Variants in ALOX5AP observed in about 807,000 individuals in gnomAD.
The protein encoded by ALOX5AP is arachidonate 5-lipoxygenase-activating protein.
ALOX5AP carries 9 observed loss-of-function variants against 18.5 expected under a neutral mutation model. The observed-to-expected ratio is 0.49, with a 90% CI of 0.29 to 0.85. The LOEUF (loss-of-function observed/expected upper bound fraction) is 0.85, where lower values mean the gene tolerates loss of function less well. Ranked by LOEUF, ALOX5AP falls within the 40% of genes least tolerant of loss-of-function variation. The probability of loss-of-function intolerance (pLI) is 0.08; values close to 1 mark genes in which losing one functional copy is unlikely to be tolerated. For synonymous variants in ALOX5AP, 81 were observed against 78.6 expected (o/e 1.03, Z -0.16); for missense variants, 172 against 202.5 (o/e 0.85, Z 0.91).
intron 1 of ALOX5AP, among the ~76,000 whole-genome samples, chr13:30,738,773 T>C (rs1951739800): frequency 6.6e-6 from 1 of 152,174 alleles, no homozygotes; most frequent in Non-Finnish European, 1.5e-5. Context: ...CCACATCTGC[T>C]CTGGTTGTAG....
chr13:30,734,944 A>C (rs2137801215), upstream of ALOX5AP, among the ~76,000 whole-genome samples: 1 of 152,318 alleles, frequency 6.6e-6, no homozygotes, highest in East Asian at 1.9e-4. Context: ...AAAGAAGGAC[A>C]GTATTTGGGG....
At chr13:30,729,529 A>T (rs565015751) in intron 1 of ALOX5AP, among the ~76,000 whole-genome samples, 1 of 152,076 alleles carries the variant, frequency 6.6e-6, no homozygotes, top group South Asian at 2.1e-4. Context: ...TTGCCTACAA[A>T]ACAGATAAAG....
At chr13:30,716,520 G>C (rs1025294396) in intron 1 of ALOX5AP, among the ~76,000 whole-genome samples, 9 of 152,198 alleles carry the variant, frequency 5.9e-5, no homozygotes, top group African/African-American at 1.9e-4. Context: ...ATTAGCTTTT[G>C]AGAAGTGTTG....
At position 30,756,782 on chromosome 13, in the gene ALOX5AP, C is replaced by T. The variant is rs144509074; in HGVS notation, c.323+757C>T. 9.6e-3 allele frequency among the ~76,000 whole-genome samples: 1,329 copies of T among 138,024 alleles called. 23 individuals carry two copies. Among genetic ancestry groups the T allele is most frequent in the African/African-American group, 0.034 (1,251 of 36,368 alleles). 90.5% of individuals were successfully genotyped at this position (138,024 alleles called of 152,430 possible). On this transcript the variant is annotated intron_variant, in intron 4 of 4. Coordinates refer to ENST00000380490, the MANE Select transcript of ALOX5AP (RefSeq NM_001629.4). ...GAGCCGAGATTGCGCCACTGCACTCCAGCCTGGGCAACAAAAGCAAAACTC... is the reference window on the plus strand; with the variant it reads ...GAGCCGAGATTGCGCCACTGCACTCTAGCCTGGGCAACAAAAGCAAAACTC...
At chr13:30,740,184 T>C (rs1239415794) in intron 1 of ALOX5AP, among the ~76,000 whole-genome samples, 1 of 152,232 alleles carries the variant, frequency 6.6e-6, no homozygotes, top group African/African-American at 2.4e-5. Context: ...ATCGACTCTG[T>C]TAGAATAATC....
intron 1 of ALOX5AP, among the ~76,000 whole-genome samples, chr13:30,740,628 C>T (rs150653423): frequency 6.6e-6 from 1 of 152,298 alleles, no homozygotes; most frequent in Non-Finnish European, 1.5e-5. Flanking sequence ...CCAACTCTTC[C>T]AAGTTTAGCT....
rs539022676 is a variant in ALOX5AP at position 30,720,675 on chromosome 13, C to A, written c.116+6834C>A. On this transcript the variant is annotated intron_variant, in intron 1 of 5. Coordinates refer to the ALOX5AP transcript ENST00000617770. ...ATTCAAAAGGAAAACAGGAACTAAA[C>A]CACTTTCATGCAATATATACTCTGT... Among the ~76,000 whole-genome samples the A allele has an allele frequency of 9.8e-5, 15 of 152,294 alleles. No individual in the cohort carries two copies. In the South Asian group the frequency reaches 2.9e-3, roughly 29 times the overall value.
At chr13:30,761,547 C>T (rs1179931734) in intron 4 of ALOX5AP, among the ~76,000 whole-genome samples, 1 of 152,130 alleles carries the variant, frequency 6.6e-6, no homozygotes. Flanking sequence ...TTTTCAATTC[C>T]CTTACCAGCA....
intron 4 of ALOX5AP, among the ~76,000 whole-genome samples, chr13:30,757,255 C>G (rs17239228): frequency 6.6e-6 from 1 of 152,002 alleles, no homozygotes; most frequent in African/African-American, 2.4e-5. Context: ...GGGAGGTCAG[C>G]GGGTGAAAGC....
intron 4 of ALOX5AP, among the ~76,000 whole-genome samples, chr13:30,762,603 A>G (rs1951951345): frequency 6.6e-6 from 1 of 152,088 alleles, no homozygotes; most frequent in African/African-American, 2.4e-5. Context: ...AAAAAAAAGA[A>G]AAGAAAAAGA....
At chr13:30,726,995 G>C (rs1177270246) in intron 1 of ALOX5AP, among the ~76,000 whole-genome samples, 1 of 151,314 alleles carries the variant, frequency 6.6e-6, no homozygotes, top group Non-Finnish European at 1.5e-5. Context: ...ATAAAGAGAA[G>C]AGGGTTAGTG....
upstream of ALOX5AP, among the ~76,000 whole-genome samples, chr13:30,732,170 G>A (rs927133472): frequency 6.6e-5 from 10 of 152,218 alleles, 1 homozygote; most frequent in African/African-American, 1.9e-4. Flanking sequence ...TCAGAGCGGG[G>A]TGCCCGGCAC....
At chr13:30,722,001 C>T (rs975289172) in intron 1 of ALOX5AP, among the ~76,000 whole-genome samples, 1 of 152,196 alleles carries the variant, frequency 6.6e-6, no homozygotes, top group African/African-American at 2.4e-5. Context: ...AAATGTTTCC[C>T]ATTCATTCCA....
chr13:30,739,173 G>A (rs543394346), intron 1 of ALOX5AP, among the ~76,000 whole-genome samples: 20 of 151,550 alleles, frequency 1.3e-4, no homozygotes, highest in African/African-American at 4.6e-4. Flanking sequence ...CTTTCCTATT[G>A]TTGCATGGAT....
intron 1 of ALOX5AP, among the ~76,000 whole-genome samples, chr13:30,738,930 C>T (rs1033516170): frequency 6.6e-6 from 1 of 150,634 alleles, no homozygotes; most frequent in South Asian, 2.1e-4. Flanking sequence ...CTAGTTCCAC[C>T]CCAACACACA....
intron 2 of ALOX5AP, among the ~76,000 whole-genome samples, chr13:30,748,541 G>A (rs1335688981): frequency 2.0e-5 from 3 of 152,208 alleles, no homozygotes; most frequent in Non-Finnish European, 4.4e-5. Flanking sequence ...CTCAAGGAAT[G>A]AGACTCAAAA....
At chr13:30,717,803 A>T (rs542601519) in intron 1 of ALOX5AP, among the ~76,000 whole-genome samples, 16 of 151,944 alleles carry the variant, frequency 1.1e-4, no homozygotes, top group Non-Finnish European at 2.4e-4. Context: ...AAGCTTCAAG[A>T]CACCCACATT....
chr13:30,754,893 G>A (rs1951880149), intron 3 of ALOX5AP, among the ~76,000 whole-genome samples: 1 of 152,250 alleles, frequency 6.6e-6, no homozygotes, highest in African/African-American at 2.4e-5. Context: ...AGAGCTGGGA[G>A]GATTGGAGAC....
chr13:30,764,238 G>A lies in ALOX5AP; in HGVS notation c.*132G>A. On this transcript the variant is annotated 3_prime_UTR_variant, in exon 5 of 5. Transcript: ENST00000380490. ...ATTGGCCATCTGGGCTTCACAGCTT[G>A]AGTTAACCTTGCTTTTCCGGGAACA... 9.7e-7 allele frequency: 1 copy of A among 1,031,902 alleles called. No individual in the cohort carries two copies. Among genetic ancestry groups the A allele is most frequent in the Non-Finnish European group, 1.4e-6 (1 of 732,102 alleles). 63.9% of individuals were successfully genotyped at this position (1,031,902 alleles called of 1,614,324 possible). A position where few individuals can be genotyped will look rare whatever the true frequency, so the allele number is the denominator to read the frequency against.
Sources: gnomAD v4.1 joint callset for allele counts (sites outside exome capture counted in the v4.1 genomes callset) on GRCh38, gnomAD v4.1.1 for gene constraint, MANE v1.5 for transcripts, NCBI Gene and HGNC (gene_info 2026-07-23, HGNC 2026-07-21) for gene names.